Variants in ADAMTS9 observed in about 807,000 individuals in gnomAD.
The protein encoded by ADAMTS9 is A disintegrin and metalloproteinase with thrombospondin motifs 9.
Under a neutral mutation model 257.1 loss-of-function variants are expected in ADAMTS9, and 107 were observed. That is an observed-to-expected ratio of 0.42 (90% CI 0.36 to 0.49). The LOEUF is 0.49. Among genes scored for constraint, ADAMTS9 ranks in the 20% least tolerant of loss-of-function variants. The probability of loss-of-function intolerance (pLI) is 0.03; values close to 1 mark genes in which losing one functional copy is unlikely to be tolerated. For missense variants in ADAMTS9, 2,353 were observed against 2,469.1 expected, an observed-to-expected ratio of 0.95 and a Z score of 1.00; for synonymous variants, 982 against 880.9, an observed-to-expected ratio of 1.11 and a Z score of -2.03.
intron 28 of ADAMTS9, among the ~76,000 whole-genome samples, chr3:64,576,738 T>A: frequency 6.6e-6 from 1 of 152,158 alleles, no homozygotes; most frequent in East Asian, 1.9e-4. Context: ...CCATCCCCAC[T>A]GCCCCCCAAC....
chr3:64,544,699 C>T (rs1417701833), intron 32 of ADAMTS9, among the ~76,000 whole-genome samples: 1 of 152,166 alleles, frequency 6.6e-6, no homozygotes, highest in Non-Finnish European at 1.5e-5. Context: ...AGGACATAGG[C>T]ATGGGCAAGG....
At position 64,594,303 on chromosome 3, in the gene ADAMTS9, A is replaced by C. The variant is rs747291520; in HGVS notation, c.4311T>G (p.His1437Gln). ...TCCATGCAGCGTCGTGTGGACAAGC[A>C]TGTGTGTTACACTGCTCACGATCGG... is the stretch of plus-strand genomic sequence containing the variant. ...KPPDREQCNT[H>Q]ACPHDAAWST... The change falls in exon 28 of 40, where the codon CAT (histidine) becomes CAG (glutamine). Residue 1437 changes from histidine to glutamine, a missense_variant. Around this residue, in one of 3 missense-constraint regions of ADAMTS9, gnomAD observed 1,402 missense variants for 1,441.4 expected, o/e 0.97. Transcript: ENST00000498707. The C allele has an allele frequency of 6.2e-7, 1 of 1,613,998 alleles. No individual in the cohort carries two copies. Among genetic ancestry groups the C allele is most frequent in the Non-Finnish European group, 8.5e-7 (1 of 1,179,944 alleles).
chr3:64,594,243 T>C lies in ADAMTS9; in HGVS notation c.4356+15A>G, dbSNP rs1454319198. On this transcript the variant is annotated intron_variant, in intron 28 of 39. Coordinates refer to ENST00000498707, the MANE Select transcript of ADAMTS9 (RefSeq NM_182920.2). ...AGATAGTTTGGTTAACAAACATGAA[T>C]AGTTAGGGCCGTACCGAGCTCCAAG... 2 of 1,604,038 alleles carry C rather than the reference T, an allele frequency of 1.2e-6. No individual in the cohort carries two copies. The highest frequency in any genetic ancestry group is 2.7e-5 in the African/African-American group (2 of 74,642).
Position 64,633,820 on chromosome 3 carries a change from G to C in ADAMTS9, c.1916C>G (p.Thr639Arg). The C allele has an allele frequency of 1.2e-6, 2 of 1,613,282 alleles. No homozygotes were observed. Among genetic ancestry groups the C allele is most frequent in the Non-Finnish European group, 1.7e-6 (2 of 1,179,908 alleles). Residue 639 changes from threonine (T) to arginine (R), a missense_variant, in exon 13 of 40, where the codon ACG becomes AGG. By Grantham distance (71) the Thr-to-Arg change is moderately conservative. This residue lies in a region of ADAMTS9 where 360 missense variants were observed against 458.1 expected (regional missense o/e 0.79). Coordinates refer to ENST00000498707, the MANE Select transcript of ADAMTS9 (RefSeq NM_182920.2). Reference sequence around the variant, plus strand: ...TCGCTTCTGCTTGAGACATGGCTCCGTGTTGCAGGACTTAAATTTCATTCT... The same window carrying C: ...TCGCTTCTGCTTGAGACATGGCTCCCTGTTGCAGGACTTAAATTTCATTCT... ...GRRMKFKSCN[T>R]EPCLKQKRDF...
intron 12 of ADAMTS9, among the ~76,000 whole-genome samples, chr3:64,638,180 A>G (rs1463002666): frequency 6.6e-6 from 1 of 152,184 alleles, no homozygotes; most frequent in Non-Finnish European, 1.5e-5. Context: ...GTAAAATAGA[A>G]GCACTGGAAA....
At chr3:64,681,868 C>G (rs1006527534) in intron 2 of ADAMTS9, among the ~76,000 whole-genome samples, 2 of 151,608 alleles carry the variant, frequency 1.3e-5, no homozygotes, top group Non-Finnish European at 3.0e-5. Context: ...GAAATACTTC[C>G]TTAGAGCTCA....
intron 3 of ADAMTS9, among the ~76,000 whole-genome samples, chr3:64,671,001 C>T (rs7629527): frequency 0.17 from 25,320 of 152,130 alleles, 2,494 homozygotes; most frequent in Non-Finnish European, 0.23. Context: ...TAGAGTGAAA[C>T]ATACATTAAC....
At chr3:64,624,995 A>G (rs796323900) in intron 16 of ADAMTS9, among the ~76,000 whole-genome samples, 16 of 152,298 alleles carry the variant, frequency 1.1e-4, no homozygotes, top group African/African-American at 3.8e-4. Flanking sequence ...GGCTCTGAAC[A>G]AAGACTAGAG....
chr3:64,610,679 T>C (rs1176817758), intron 22 of ADAMTS9, among the ~76,000 whole-genome samples: 1 of 152,058 alleles, frequency 6.6e-6, no homozygotes, highest in East Asian at 1.9e-4. Context: ...AAAGGGAAAA[T>C]AACAATTTTG....
intron 14 of ADAMTS9, among the ~76,000 whole-genome samples, chr3:64,632,247 T>C (rs977008778): frequency 2.0e-4 from 31 of 152,066 alleles, no homozygotes; most frequent in African/African-American, 7.0e-4. Context: ...CACTAGTCTG[T>C]AAGTAAGCAC....
chr3:64,523,062 A>G (rs1446960611), intron 38 of ADAMTS9, among the ~76,000 whole-genome samples: 4 of 152,204 alleles, frequency 2.6e-5, no homozygotes, highest in Non-Finnish European at 5.9e-5. Context: ...GTAAGTTTCC[A>G]AGTTGCTCAT....
intron 4 of ADAMTS9, among the ~76,000 whole-genome samples, chr3:64,657,538 G>T (rs561576159): frequency 6.6e-6 from 1 of 151,624 alleles, no homozygotes; most frequent in African/African-American, 2.4e-5. Context: ...ACCAGGTCTT[G>T]CTATAATGCC....
intron 16 of ADAMTS9, among the ~76,000 whole-genome samples, chr3:64,625,042 G>A (rs1267067535): frequency 6.6e-6 from 1 of 152,128 alleles, no homozygotes; most frequent in Non-Finnish European, 1.5e-5. Flanking sequence ...TTGTGCAAGA[G>A]TAGCAAATTT....
intron 25 of ADAMTS9, among the ~76,000 whole-genome samples, chr3:64,602,754 G>C (rs1235267869): frequency 1.3e-5 from 2 of 152,150 alleles, no homozygotes; most frequent in Non-Finnish European, 2.9e-5. Flanking sequence ...CTCTCTAAAA[G>C]CACATCCCAT....
At chr3:64,580,916 C>T (rs1433950679) in intron 28 of ADAMTS9, among the ~76,000 whole-genome samples, 62 of 152,088 alleles carry the variant, frequency 4.1e-4, no homozygotes, top group Non-Finnish European at 7.4e-5. Flanking sequence ...TTTGAAAGCT[C>T]CCCAAGAGAG....
chr3:64,681,477 C>T (rs1701755291), intron 2 of ADAMTS9, 114 bp from the exon 3 acceptor site: 1 of 1,152,590 alleles, frequency 8.7e-7, no homozygotes, highest in Admixed American at 2.9e-5. Flanking sequence ...ATCTCTTTTT[C>T]AGGAGGGTTG....
intron 21 of ADAMTS9, 104 bp from the exon 22 acceptor site, chr3:64,613,613 G>A: frequency 9.0e-7 from 1 of 1,107,178 alleles, no homozygotes; most frequent in Non-Finnish European, 1.2e-6. Context: ...TTTTCCCACA[G>A]CAATCACTCT....
intron 2 of ADAMTS9, chr3:64,685,139 T>A (rs1414421709): frequency 6.6e-6 from 1 of 152,190 alleles, no homozygotes; most frequent in African/African-American, 2.4e-5. Flanking sequence ...GAGCCACGGC[T>A]CCGGGCGCTT....
chr3:64,644,526 C>T (rs1392629257), intron 11 of ADAMTS9, among the ~76,000 whole-genome samples: 1 of 152,144 alleles, frequency 6.6e-6, no homozygotes, highest in Non-Finnish European at 1.5e-5. Flanking sequence ...GGCAATAGAA[C>T]CTATATTTTC....
Sources: allele counts gnomAD v4.1 joint callset (sites outside exome capture counted in the v4.1 genomes callset), GRCh38; gene constraint gnomAD v4.1.1; regional missense constraint gnomAD v4.1.1; transcripts MANE v1.5; gene names NCBI Gene and HGNC (gene_info 2026-07-23, HGNC 2026-07-21).